SNTG2: variants seen among roughly 807,000 people sequenced by gnomAD.
SNTG2 encodes syntrophin gamma 2, also known as gamma-2-syntrophin.
Under a neutral mutation model 70.9 loss-of-function variants are expected in SNTG2, and 74 were observed. That is an observed-to-expected ratio of 1.04 (90% CI 0.86 to 1.27). The LOEUF (loss-of-function observed/expected upper bound fraction) is 1.27, where lower values mean the gene tolerates loss of function less well. Among genes scored for constraint, SNTG2 ranks in the 50% most tolerant of loss-of-function variants. The pLI, the probability that SNTG2 is intolerant of heterozygous loss-of-function variation, is 0.00. For synonymous variants in SNTG2, 278 were observed against 273.8 expected (o/e 1.02, Z -0.15); for missense variants, 717 against 690.7 (o/e 1.04, Z -0.43).
chr2:1,232,786 G>A (rs1245128704), intron 9 of SNTG2, among the ~76,000 whole-genome samples: 4 of 152,044 alleles, frequency 2.6e-5, no homozygotes, highest in Non-Finnish European at 4.4e-5. Context: ...ATATGTGAAC[G>A]AAATTTCAAG....
intron 6 of SNTG2, among the ~76,000 whole-genome samples, chr2:1,144,298 T>C (rs983448281): frequency 2.0e-5 from 3 of 152,114 alleles, no homozygotes; most frequent in Non-Finnish European, 4.4e-5. Context: ...CAGAAATGGA[T>C]AGACCCACCA....
chr2:977,816 C>T lies in SNTG2; in HGVS notation c.72+26748C>T, dbSNP rs141606630. Among the ~76,000 whole-genome samples the T allele has an allele frequency of 8.5e-5, 13 of 152,208 alleles. No individual in the cohort carries two copies. In the East Asian group the frequency reaches 1.7e-3, roughly 20 times the overall value. On this transcript the variant is annotated intron_variant, in intron 1 of 16. Coordinates refer to ENST00000308624, the MANE Select transcript of SNTG2 (RefSeq NM_018968.4). ...CCTCATTTCCGCCCTCCACAATCTC[C>T]GCTCTGTTTTCTGAGGATGGCAGAG... is the stretch of plus-strand genomic sequence containing the variant.
At chr2:1,234,102 A>G (rs1676449772) in intron 9 of SNTG2, among the ~76,000 whole-genome samples, 1 of 152,196 alleles carries the variant, frequency 6.6e-6, no homozygotes, top group Non-Finnish European at 1.5e-5. Flanking sequence ...AGGCGGGTAG[A>G]GAGGCCGGGT....
At chr2:1,020,555 A>G (rs1309811485) in intron 1 of SNTG2, among the ~76,000 whole-genome samples, 1 of 138,926 alleles carries the variant, frequency 7.2e-6, no homozygotes, top group Non-Finnish European at 1.5e-5. Context: ...ACTTCTCCAA[A>G]TTTGTAGGAA....
chr2:1,342,150 C>T (rs1274619402), intron 16 of SNTG2, among the ~76,000 whole-genome samples: 2 of 152,230 alleles, frequency 1.3e-5, no homozygotes, highest in East Asian at 1.9e-4. Context: ...GTAGCAAGTC[C>T]TCTGTGAAGA....
rs1325425320 is a variant in SNTG2, at chr2:1,004,510, G to A, written c.72+53442G>A. Among the ~76,000 whole-genome samples, 3 of 152,184 alleles carry A rather than the reference G, an allele frequency of 2.0e-5. No homozygotes were observed. In the South Asian group the frequency reaches 6.2e-4, roughly 32 times the overall value. ...GAACCCATTAAAACTTGGGCAAAAC[G>A]CTTGAACAGACACCTCATGTAGATC... is the stretch of plus-strand genomic sequence containing the variant. On this transcript the variant is annotated intron_variant, in intron 1 of 16. Transcript: ENST00000308624.
At chr2:1,298,039 G>A (rs1261754818) in intron 14 of SNTG2, among the ~76,000 whole-genome samples, 1 of 152,206 alleles carries the variant, frequency 6.6e-6, no homozygotes, top group Non-Finnish European at 1.5e-5. Context: ...AGAAGACTGG[G>A]CTGGTGCTTC....
intron 7 of SNTG2, among the ~76,000 whole-genome samples, chr2:1,167,148 G>C (rs1053855125): frequency 1.3e-5 from 2 of 152,216 alleles, no homozygotes; most frequent in Non-Finnish European, 2.9e-5. Context: ...ACAGACAGCA[G>C]AACTGAAGCC....
chr2:1,204,066 G>A (rs1281730614), intron 8 of SNTG2, among the ~76,000 whole-genome samples: 1 of 152,090 alleles, frequency 6.6e-6, no homozygotes, highest in Non-Finnish European at 1.5e-5. Flanking sequence ...GATTAATACC[G>A]AGTTATAAAG....
chr2:1,023,913 A>G lies in SNTG2; in HGVS notation c.73-59605A>G, dbSNP rs556537354. Among the ~76,000 whole-genome samples, 41 of 152,326 alleles carry G rather than the reference A, an allele frequency of 2.7e-4. 2 individuals carry two copies. In the South Asian group the frequency reaches 8.1e-3, roughly 30 times the overall value. ...CACACCTGAAAGCTTTCCACGGATG[A>G]GCAACGTTACATGGAGTATCCACTG... is the stretch of plus-strand genomic sequence containing the variant. On this transcript the variant is annotated intron_variant, in intron 1 of 16. Coordinates refer to ENST00000308624, the MANE Select transcript of SNTG2 (RefSeq NM_018968.4).
chr2:972,987 T>C (rs1031770558), intron 1 of SNTG2, among the ~76,000 whole-genome samples: 7 of 152,118 alleles, frequency 4.6e-5, no homozygotes, highest in African/African-American at 1.7e-4. Context: ...ACCATTTTAG[T>C]GTCTTGTAAC....
intron 14 of SNTG2, among the ~76,000 whole-genome samples, chr2:1,299,639 C>T (rs759452225): frequency 1.3e-5 from 2 of 152,214 alleles, no homozygotes; most frequent in Non-Finnish European, 2.9e-5. Flanking sequence ...TCCAGCATGA[C>T]TTTCGGAGGG....
intron 4 of SNTG2, among the ~76,000 whole-genome samples, chr2:1,134,185 A>C (rs1276972341): frequency 1.3e-5 from 2 of 152,138 alleles, no homozygotes; most frequent in East Asian, 3.9e-4. Context: ...CGTGGACCCA[A>C]AGAGTGAGCA....
At chr2:1,229,458 T>C (rs1572805830) in intron 9 of SNTG2, among the ~76,000 whole-genome samples, 1 of 152,154 alleles carries the variant, frequency 6.6e-6, no homozygotes, top group Non-Finnish European at 1.5e-5. Flanking sequence ...AGAGTGCCGA[T>C]TGGTGTATTT....
chr2:1,074,414 G>GT lies in SNTG2; in HGVS notation c.73-9102dup, dbSNP rs1558369060. Among the ~76,000 whole-genome samples the GT allele has an allele frequency of 2.0e-5, 3 of 152,318 alleles. No homozygotes were observed. In the South Asian group the frequency reaches 6.2e-4, roughly 32 times the overall value. ...AAACTGGAAGGAAGGAAGTGATGTGGTTCAGTGTGCAGTTTTCAGGAATAT... is the reference window on the plus strand; with the variant it reads ...AAACTGGAAGGAAGGAAGTGATGTGGTTTCAGTGTGCAGTTTTCAGGAATAT... On this transcript the variant is annotated intron_variant, in intron 1 of 16. Transcript: ENST00000308624.
intron 16 of SNTG2, among the ~76,000 whole-genome samples, chr2:1,337,915 G>T (rs1247805768): frequency 2.6e-5 from 4 of 152,056 alleles, no homozygotes; most frequent in African/African-American, 9.7e-5. Context: ...TCATTGTTTT[G>T]CAACCGGATA....
At chr2:1,035,705 G>A (rs1444868096) in intron 1 of SNTG2, among the ~76,000 whole-genome samples, 1 of 152,074 alleles carries the variant, frequency 6.6e-6, no homozygotes, top group Admixed American at 6.5e-5. Flanking sequence ...AGTTTTAAAT[G>A]GGCACGATCC....
At chr2:1,359,091 C>T (rs1178107750) in intron 16 of SNTG2, among the ~76,000 whole-genome samples, 2 of 151,988 alleles carry the variant, frequency 1.3e-5, no homozygotes, top group Non-Finnish European at 2.9e-5. Flanking sequence ...TTTGTATATC[C>T]ATAATGACAT....
At chr2:1,136,699 GA>G (rs1263836357) in intron 4 of SNTG2, among the ~76,000 whole-genome samples, 1 of 152,152 alleles carries the variant, frequency 6.6e-6, no homozygotes. Context: ...AAACCTATGT[GA>G]AGGCAAAAAT....
Sources: gnomAD v4.1 joint callset for allele counts (sites outside exome capture counted in the v4.1 genomes callset) on GRCh38, gnomAD v4.1.1 for gene constraint, MANE v1.5 for transcripts, NCBI Gene and HGNC (gene_info 2026-07-23, HGNC 2026-07-21) for gene names.